PYGB: variants seen among roughly 807,000 people sequenced by gnomAD.
The protein encoded by PYGB is glycogen phosphorylase B, also known as glycogen phosphorylase, brain form.
In PYGB, 82 loss-of-function variants were observed where a neutral mutation model predicts 94.3. That is an observed-to-expected ratio of 0.87 (90% CI 0.73 to 1.04). The LOEUF (loss-of-function observed/expected upper bound fraction) is 1.04. PYGB is among the 50% of genes least tolerant of loss of function. The pLI is 0.00. For missense variants in PYGB, 1,132 were observed against 1,158.2 expected, an observed-to-expected ratio of 0.98 and a Z score of 0.33; for synonymous variants, 488 against 479.1, an observed-to-expected ratio of 1.02 and a Z score of -0.24.
chr20:25,264,970 A>T (rs1056244488), intron 2 of PYGB, among the ~76,000 whole-genome samples: 2 of 152,202 alleles, frequency 1.3e-5, no homozygotes, highest in Admixed American at 1.3e-4. Flanking sequence ...CATCGCCAAG[A>T]CAATCCTAAG....
At chr20:25,278,888 C>T (rs1468378365) in intron 8 of PYGB, among the ~76,000 whole-genome samples, 169 bp from the exon 9 acceptor site, 1 of 152,056 alleles carries the variant, frequency 6.6e-6, no homozygotes, top group Non-Finnish European at 1.5e-5. Context: ...ACAGTGCGAG[C>T]CCGACTGTCC....
intron 15 of PYGB, 44 bp from the exon 16 acceptor site, chr20:25,290,437 A>G (rs2088456014): frequency 2.5e-6 from 4 of 1,592,408 alleles, no homozygotes; most frequent in Middle Eastern, 1.7e-4. Context: ...CAAGGGCCTG[A>G]ACAAGGCATT....
In PYGB at chr20:25,281,839, C is replaced by T. The variant is rs549606571; in HGVS notation, c.1404-194C>T. Reference sequence around the variant, plus strand: ...ACCGCACAGCCAGCCACAGATGCCCCGGGGTGCAGGTGCTGCCTTCGTATG... The same window carrying T: ...ACCGCACAGCCAGCCACAGATGCCCTGGGGTGCAGGTGCTGCCTTCGTATG... On this transcript the variant is annotated intron_variant, in intron 11 of 19. Coordinates refer to ENST00000216962, the MANE Select transcript of PYGB (RefSeq NM_002862.4). 1.8e-4 allele frequency among the ~76,000 whole-genome samples: 27 copies of T among 152,350 alleles called. No homozygotes were observed. In the East Asian group the frequency reaches 3.7e-3, roughly 21 times the overall value.
In PYGB at chr20:25,269,174, G is replaced by A. The variant is rs778298658; in HGVS notation, c.391G>A (p.Gly131Ser). 1 of 1,601,620 alleles carries A rather than the reference G, an allele frequency of 6.2e-7. No individual in the cohort carries two copies. The highest frequency in any genetic ancestry group is 8.6e-7 in the Non-Finnish European group (1 of 1,168,852). Residue 131 changes from glycine to serine, a missense_variant, in exon 3 of 20, where the codon GGC becomes AGC. Physicochemically the swap from Gly to Ser is moderately conservative, Grantham distance 56 (BLOSUM62 0). Transcript: ENST00000216962. ...EELEEIEEDA[G>S]LGNGGLGRLA... ...ACTCGAGGAGATAGAAGAAGATGCT[G>A]GCCTTGGGAATGGAGGCCTGGGGAG...
rs370438531 is a variant in PYGB, at chr20:25,255,599, G to C, written c.244-3638G>C. ...AACCAGTAGAGGGCGGCTGGTCTGAGGCATGCTGGCACCGACAGAATCGAA... is the reference window on the plus strand; with the variant it reads ...AACCAGTAGAGGGCGGCTGGTCTGACGCATGCTGGCACCGACAGAATCGAA... On this transcript the variant is annotated intron_variant, in intron 1 of 19. Transcript: ENST00000216962. 2.4e-4 allele frequency among the ~76,000 whole-genome samples: 36 copies of C among 152,352 alleles called. No homozygotes were observed. The South Asian group carries it at 4.8e-3, about 20-fold the overall frequency.
Position 25,290,562 on chromosome 20 carries a change from G to T in PYGB, c.1909G>T (p.Val637Leu). 1 of 1,611,278 alleles carries T rather than the reference G, an allele frequency of 6.2e-7. No homozygotes were observed. ...CGACGTCGTCAATCATGACCCAGTT[G>T]TGGGTGACAGGTTGAAAGTGATCTT... is the stretch of plus-strand genomic sequence containing the variant. ...IGDVVNHDPV[V>L]GDRLKVIFLE... Residue 637 changes from valine (V) to leucine (L), a missense_variant, in exon 16 of 20, where the codon GTG becomes TTG. Physicochemically the swap from Val to Leu is conservative, Grantham distance 32. Coordinates refer to ENST00000216962, the MANE Select transcript of PYGB (RefSeq NM_002862.4).
chr20:25,275,417 G>A (rs964501968), intron 5 of PYGB, among the ~76,000 whole-genome samples: 2 of 152,252 alleles, frequency 1.3e-5, no homozygotes, highest in South Asian at 4.1e-4. Context: ...AGGAGAGGCT[G>A]CAGGAGAACG....
In PYGB at chr20:25,290,564, GGGTGACA is replaced by G. The variant is rs765495825; in HGVS notation, c.1915_1921del (p.Asp639Ter). 1.2e-6 allele frequency: 2 copies of G among 1,610,976 alleles called. No homozygotes were observed. Among genetic ancestry groups the G allele is most frequent in the African/African-American group, 2.7e-5 (2 of 74,898 alleles). On this transcript the variant is annotated frameshift_variant, in exon 16 of 20. Transcript: ENST00000216962. LOFTEE classifies it high-confidence loss of function. The stretch of plus-strand genomic sequence containing the variant: ...ACGTCGTCAATCATGACCCAGTTGT[GGGTGACA>G]GGTTGAAAGTGATCTTCCTGGAGAA...
At chr20:25,262,853 T>A (rs2092916708) in intron 2 of PYGB, among the ~76,000 whole-genome samples, 2 of 151,790 alleles carry the variant, frequency 1.3e-5, no homozygotes, top group Admixed American at 1.3e-4. Context: ...CCAACAAAGA[T>A]CAAAAGAGAC....
At chr20:25,262,168 T>A (rs2474764) in intron 2 of PYGB, among the ~76,000 whole-genome samples, 91,489 of 152,008 alleles carry the variant, frequency 0.6, 28,888 homozygotes, top group East Asian at 0.98. Flanking sequence ...ACTCCAAGGC[T>A]CATAATTGTC....
At position 25,276,714 on chromosome 20, in the gene PYGB, G is replaced by A. The variant is rs751107948; in HGVS notation, c.729G>A (p.Arg243=). ...GYKNNTVNTM[R]LWSAKAPNDF... is the part of the protein sequence containing the mutation. ...AGAACAACACCGTCAACACCATGCG[G>A]CTGTGGTCCGCCAAGGCTCCCAACG... is the stretch of plus-strand genomic sequence containing the variant. The change falls in exon 6 of 20, where the codon CGG becomes CGA. Residue 243 remains arginine, a synonymous_variant. Coordinates refer to ENST00000216962, the MANE Select transcript of PYGB (RefSeq NM_002862.4). 2 of 1,614,028 alleles carry A rather than the reference G, an allele frequency of 1.2e-6. No homozygotes were observed. The highest frequency in any genetic ancestry group is 1.1e-5 in the South Asian group (1 of 91,086).
chr20:25,252,970 T>C (rs1381091441), intron 1 of PYGB, among the ~76,000 whole-genome samples: 2 of 152,266 alleles, frequency 1.3e-5, no homozygotes, highest in Non-Finnish European at 2.9e-5. Flanking sequence ...AAGTCACCTT[T>C]TGGTGACCAC....
Position 25,283,617 on chromosome 20 carries a change from C to T in PYGB, c.1620+340C>T, listed in dbSNP as rs2088389548. 5.3e-5 allele frequency among the ~76,000 whole-genome samples: 8 copies of T among 152,348 alleles called. No individual in the cohort carries two copies. In the South Asian group the frequency reaches 1.7e-3, roughly 32 times the overall value. On this transcript the variant is annotated intron_variant, in intron 13 of 19. Coordinates refer to ENST00000216962, the MANE Select transcript of PYGB (RefSeq NM_002862.4). ...GATTCCAGCGTGGTACCCTCTTTGC[C>T]CCTGGAGAGCTGTGCAGGTGCACGA...
chr20:25,283,328 C>T (rs1381171236), intron 13 of PYGB, 51 bp downstream of exon 13: 3 of 1,519,972 alleles, frequency 2.0e-6, no homozygotes, highest in East Asian at 4.6e-5. Flanking sequence ...CACAACCAGG[C>T]AGGTAGGCCC....
At position 25,297,644 on chromosome 20, in the gene PYGB, C is replaced by T. The variant is rs1319741218; in HGVS notation, c.*1122C>T. ...TCCCCAAGGCTGGCAACCTGCCTCC[C>T]ATTGCCCAAGAGAGAGGGCAGGGAA... On this transcript the variant is annotated 3_prime_UTR_variant, in exon 20 of 20. Coordinates refer to ENST00000216962, the MANE Select transcript of PYGB (RefSeq NM_002862.4). 1 of 152,348 alleles carries T rather than the reference C, an allele frequency of 6.6e-6. No individual in the cohort carries two copies. The highest frequency in any genetic ancestry group is 1.5e-5 in the Non-Finnish European group (1 of 68,122). The allele number at this position is 152,348 out of a possible 1,614,324, so 9.4% of individuals were successfully genotyped here. A position where few individuals can be genotyped will look rare whatever the true frequency, so the allele number is the denominator to read the frequency against.
chr20:25,258,533 C>T (rs764369377), intron 1 of PYGB, among the ~76,000 whole-genome samples: 7 of 152,218 alleles, frequency 4.6e-5, no homozygotes, highest in Non-Finnish European at 8.8e-5. Context: ...CAGCCCTGGC[C>T]GCTGCAGGCC....
intron 11 of PYGB, among the ~76,000 whole-genome samples, chr20:25,281,436 G>A (rs1003239567): frequency 1.3e-5 from 2 of 152,220 alleles, no homozygotes; most frequent in Non-Finnish European, 2.9e-5. Context: ...TCCACCTGCC[G>A]CTGGCAGGGC....
rs372633367 is a variant in PYGB, at chr20:25,276,656, C to T, written c.671C>T (p.Ala224Val). 5 of 1,613,502 alleles carry T rather than the reference C, an allele frequency of 3.1e-6. No homozygotes were observed. In the Admixed American group the frequency reaches 5.0e-5, roughly 16 times the overall value. ...CCGTTTTGTGGCCAGGTGGTGCTGG[C>T]CATGCCCTACGACACCCCAGTGCCC... ...VKWLDTQVVLAMPYDTPVPGY... is the reference protein window; with the variant it reads ...VKWLDTQVVLVMPYDTPVPGY... Residue 224 changes from alanine to valine, a missense_variant, in exon 6 of 20, where the codon GCC becomes GTC. By Grantham distance (64) the Ala-to-Val change is moderately conservative (BLOSUM62 0). Coordinates refer to ENST00000216962, the MANE Select transcript of PYGB (RefSeq NM_002862.4).
At chr20:25,267,725 C>G (rs573615756) in intron 2 of PYGB, among the ~76,000 whole-genome samples, 2 of 152,196 alleles carry the variant, frequency 1.3e-5, no homozygotes, top group Non-Finnish European at 2.9e-5. Flanking sequence ...GTAGAGACAT[C>G]TCATTATGTT....
Sources: gnomAD v4.1 joint callset for allele counts (sites outside exome capture counted in the v4.1 genomes callset) on GRCh38, gnomAD v4.1.1 for gene constraint, MANE v1.5 for transcripts, NCBI Gene and HGNC (gene_info 2026-07-23, HGNC 2026-07-21) for gene names.